The following ARID2 variants were observed in gnomAD, a reference collection of about 807,000 sequenced individuals.
ARID2 encodes the protein AT-rich interactive domain-containing protein 2.
A neutral mutation model predicts 184.6 loss-of-function variants in ARID2; 32 were observed. That is an observed-to-expected ratio of 0.17 (90% confidence interval 0.13 to 0.23). The LOEUF is 0.23. Ranked by LOEUF, ARID2 falls within the 10% of genes least tolerant of loss-of-function variation. ARID2 has a pLI of 1.00. For missense variants in ARID2, 1,696 were observed against 2,197.6 expected (o/e 0.77, Z 4.56); for synonymous variants, 836 against 772.6 (o/e 1.08, Z -1.36).
In ARID2 at chr12:45,905,940, C is replaced by CTTTTTTTTTTTCTTTTTTTT. The variant is rs1156971020; in HGVS notation, c.*866_*885dup. ...GAACTGTGATTTTTTTTTCTTTTTT[C>CTTTTTTTTTTTCTTTTTTTT]TTTTTTTTTTTCTTTTTTTTTTTGT... On this transcript the variant is annotated 3_prime_UTR_variant, in exon 21 of 21. Transcript: ENST00000334344. The CTTTTTTTTTTTCTTTTTTTT allele has an allele frequency of 4.8e-5, 8 of 166,974 alleles. No homozygotes were observed. Among genetic ancestry groups the CTTTTTTTTTTTCTTTTTTTT allele is most frequent in the African/African-American group, 1.4e-4 (5 of 35,884 alleles). 10.3% of individuals were successfully genotyped at this position (166,974 alleles called of 1,614,324 possible).
intron 16 of ARID2, among the ~76,000 whole-genome samples, chr12:45,874,886 G>A (rs1943985412): frequency 6.6e-6 from 1 of 152,200 alleles, no homozygotes. Flanking sequence ...CACTTTGGAA[G>A]GCCAAAGCAG....
chr12:45,896,020 C>A (rs986931042), intron 20 of ARID2, among the ~76,000 whole-genome samples: 3 of 152,144 alleles, frequency 2.0e-5, no homozygotes, highest in African/African-American at 7.2e-5. Flanking sequence ...TCAGTACTAC[C>A]AAAGTATTCT....
intron 3 of ARID2, among the ~76,000 whole-genome samples, chr12:45,755,340 G>C (rs1361120156): frequency 6.6e-6 from 1 of 152,224 alleles, no homozygotes; most frequent in Non-Finnish European, 1.5e-5. Context: ...GGAGGAAGTA[G>C]TGGCAGGAAT....
At chr12:45,904,835 G>A (rs751493208) in intron 20 of ARID2, 99 bp from the exon 21 acceptor site, 37 of 1,214,208 alleles carry the variant, frequency 3.0e-5, no homozygotes, top group Non-Finnish European at 3.9e-5. Context: ...GTGGAGCTAT[G>A]TATTGTTTCT....
In ARID2 at chr12:45,815,599, TTGTG is replaced by T. The variant is rs376716014; in HGVS notation, c.419-2051_419-2048del. Among the ~76,000 whole-genome samples, 7 of 149,830 alleles carry T rather than the reference TTGTG, an allele frequency of 4.7e-5. No homozygotes were observed. In the South Asian group the frequency reaches 8.5e-4, roughly 18 times the overall value. On this transcript the variant is annotated intron_variant, in intron 4 of 20. Coordinates refer to ENST00000334344, the MANE Select transcript of ARID2 (RefSeq NM_152641.4). ...TCTACTTGCATCCTACTTAAAGAGA[TTGTG>T]TGTGTGTGTGTGTGTGTGTTTTTAA...
intron 3 of ARID2, among the ~76,000 whole-genome samples, chr12:45,791,928 C>T (rs983272282): frequency 2.0e-5 from 3 of 147,670 alleles, no homozygotes; most frequent in Non-Finnish European, 3.0e-5. Flanking sequence ...ATTAATGTCC[C>T]CTCTTTCATT....
At chr12:45,884,786 A>G (rs1233865375) in intron 16 of ARID2, among the ~76,000 whole-genome samples, 1 of 152,156 alleles carries the variant, frequency 6.6e-6, no homozygotes, top group African/African-American at 2.4e-5. Context: ...ACTAGGAGGC[A>G]GGGCCCATCT....
intron 11 of ARID2, among the ~76,000 whole-genome samples, chr12:45,843,744 A>C (rs1324394855): frequency 6.6e-6 from 1 of 152,138 alleles, no homozygotes; most frequent in Non-Finnish European, 1.5e-5. Context: ...ATATACTTCA[A>C]ATATATTTTT....
intron 20 of ARID2, among the ~76,000 whole-genome samples, chr12:45,896,420 C>T (rs775368237): frequency 1.3e-5 from 2 of 152,080 alleles, no homozygotes; most frequent in African/African-American, 4.8e-5. Context: ...GGGAGGGACC[C>T]GGCAGGAAGT....
intron 3 of ARID2, among the ~76,000 whole-genome samples, chr12:45,740,102 G>T (rs1352870190): frequency 6.6e-6 from 1 of 152,028 alleles, no homozygotes; most frequent in Non-Finnish European, 1.5e-5. Context: ...TAAGTGGTTT[G>T]GTATAATTTG....
intron 3 of ARID2, among the ~76,000 whole-genome samples, chr12:45,771,773 G>A (rs1161822768): frequency 6.6e-6 from 1 of 151,860 alleles, no homozygotes; most frequent in African/African-American, 2.4e-5. Flanking sequence ...AGGAAAATTT[G>A]TTGGCACAAA....
chr12:45,790,368 GTTC>G (rs1328960208), intron 3 of ARID2, among the ~76,000 whole-genome samples: 3 of 151,934 alleles, frequency 2.0e-5, no homozygotes, highest in African/African-American at 4.8e-5. Flanking sequence ...AATATGTTGT[GTTC>G]TTCTAGTTTA....
At chr12:45,800,540 A>G (rs1281978560) in intron 3 of ARID2, among the ~76,000 whole-genome samples, 1 of 152,164 alleles carries the variant, frequency 6.6e-6, no homozygotes, top group East Asian at 1.9e-4. Flanking sequence ...GCATTTGTTT[A>G]TATTTCTTAG....
chr12:45,814,635 C>T (rs1369184965), intron 4 of ARID2, among the ~76,000 whole-genome samples: 4 of 152,098 alleles, frequency 2.6e-5, no homozygotes, highest in Non-Finnish European at 5.9e-5. Context: ...GGCGACAGAG[C>T]AAAACTCCAT....
intron 4 of ARID2, among the ~76,000 whole-genome samples, chr12:45,815,272 T>C (rs1942785778): frequency 6.6e-6 from 1 of 152,208 alleles, no homozygotes; most frequent in South Asian, 2.1e-4. Flanking sequence ...AAAAATCTGC[T>C]CCTATATTCA....
chr12:45,854,108 G>A (rs894456541), intron 15 of ARID2, among the ~76,000 whole-genome samples: 5 of 152,106 alleles, frequency 3.3e-5, no homozygotes, highest in Admixed American at 1.3e-4. Context: ...CTGTGCATGC[G>A]AAGGATCTAG....
At chr12:45,772,283 T>C (rs573195396) in intron 3 of ARID2, among the ~76,000 whole-genome samples, 78 of 152,292 alleles carry the variant, frequency 5.1e-4, no homozygotes, top group Non-Finnish European at 1.0e-3. Flanking sequence ...TGTAAATGGA[T>C]CAAACAGTCA....
At chr12:45,854,809 G>A (rs552117315) in intron 15 of ARID2, among the ~76,000 whole-genome samples, 11 of 152,286 alleles carry the variant, frequency 7.2e-5, no homozygotes, top group Non-Finnish European at 1.5e-4. Context: ...TAGCTAAGAC[G>A]AGGACATGTC....
chr12:45,781,686 A>T (rs2059405), intron 3 of ARID2, among the ~76,000 whole-genome samples: 1 of 151,932 alleles, frequency 6.6e-6, no homozygotes, highest in Non-Finnish European at 1.5e-5. Context: ...TGAATTTCCC[A>T]GGGCTGTATT....
Sources: gnomAD v4.1 joint callset for allele counts (sites outside exome capture counted in the v4.1 genomes callset) on GRCh38, gnomAD v4.1.1 for gene constraint, MANE v1.5 for transcripts, NCBI Gene and HGNC (gene_info 2026-07-23, HGNC 2026-07-21) for gene names.